The following SCMH1 variants were observed in gnomAD, a reference collection of about 807,000 sequenced individuals.
SCMH1 encodes the protein polycomb protein SCMH1.
A neutral mutation model predicts 70.8 loss-of-function variants in SCMH1; 37 were observed. That is an observed-to-expected ratio of 0.52 (90% CI 0.40 to 0.69). The LOEUF is 0.69. SCMH1 is among the 30% of genes least tolerant of loss of function. The pLI is 0.00. For synonymous variants in SCMH1, 292 were observed against 307.4 expected, an observed-to-expected ratio of 0.95 and a Z score of 0.52; for missense variants, 607 against 827.3, an observed-to-expected ratio of 0.73 and a Z score of 3.27.
At chr1:41,054,878 G>A (rs942915405) in intron 10 of SCMH1, among the ~76,000 whole-genome samples, 1 of 152,126 alleles carries the variant, frequency 6.6e-6, no homozygotes, top group Non-Finnish European at 1.5e-5. Flanking sequence ...CGGCCTCCAG[G>A]GCTCAACCAG....
At chr1:41,187,287 C>A (rs1465688905) in intron 1 of SCMH1, among the ~76,000 whole-genome samples, 2 of 151,636 alleles carry the variant, frequency 1.3e-5, no homozygotes, top group Non-Finnish European at 2.9e-5. Context: ...CATGGCGAAA[C>A]CCCATCTCTA....
intron 1 of SCMH1, among the ~76,000 whole-genome samples, chr1:41,199,373 A>C (rs1459731639): frequency 6.6e-6 from 1 of 152,130 alleles, no homozygotes; most frequent in African/African-American, 2.4e-5. Context: ...CCTGTTTTGA[A>C]TGTTATATAA....
rs374932296 is a variant in SCMH1 at position 41,152,669 on chromosome 1, C to T, written c.107-985G>A. The T allele has an allele frequency of 2.9e-5, 47 of 1,614,152 alleles. No homozygotes were observed. The African/African-American group carries it at 5.9e-4, about 20-fold the overall frequency. On this transcript the variant is annotated intron_variant, in intron 4 of 14. Coordinates refer to ENST00000337495, the Ensembl canonical transcript of SCMH1. ...CACAAGCTAAAACACTGTAGCAAAC[C>T]AGCATTTCTTGAAGTTTCCTCTGTA...
At chr1:41,144,957 T>C (rs940933173) in intron 5 of SCMH1, among the ~76,000 whole-genome samples, 16 of 152,194 alleles carry the variant, frequency 1.1e-4, no homozygotes, top group African/African-American at 3.9e-4. Flanking sequence ...ATTTCCGAGT[T>C]TTAAGAGTTC....
intron 2 of SCMH1, among the ~76,000 whole-genome samples, chr1:41,183,476 A>C (rs994027633): frequency 2.6e-5 from 4 of 152,176 alleles, no homozygotes; most frequent in African/African-American, 9.7e-5. Context: ...TCTATTTGGG[A>C]AATTCCTATT....
intron 1 of SCMH1, among the ~76,000 whole-genome samples, chr1:41,223,138 A>G (rs1053327098): frequency 2.0e-5 from 3 of 152,216 alleles, no homozygotes; most frequent in African/African-American, 7.2e-5. Context: ...AGATTACTGC[A>G]TATTCTATCA....
At chr1:41,178,260 A>G (rs1292627368) in intron 2 of SCMH1, among the ~76,000 whole-genome samples, 1 of 152,208 alleles carries the variant, frequency 6.6e-6, no homozygotes, top group Non-Finnish European at 1.5e-5. Context: ...GAAAGGAACA[A>G]CTGGTACCAG....
intron 13 of SCMH1, among the ~76,000 whole-genome samples, chr1:41,034,984 A>C (rs1165357329): frequency 6.6e-6 from 1 of 152,082 alleles, no homozygotes; most frequent in East Asian, 1.9e-4. Context: ...TCTCACCTCC[A>C]TTCTACTCCA....
intron 9 of SCMH1, among the ~76,000 whole-genome samples, chr1:41,072,661 A>G (rs1462125608): frequency 6.6e-6 from 1 of 152,210 alleles, no homozygotes; most frequent in East Asian, 1.9e-4. Context: ...CAGGAGTTTG[A>G]GACCAGCCTG....
chr1:41,116,912 G>A lies in SCMH1; in HGVS notation c.501+10C>T, dbSNP rs1156309977. ...AGCCTGGAGCTGGTGATATCTGAGG[G>A]ATAGCCTACCTTGTGGAAAATCCTG... is the stretch of plus-strand genomic sequence containing the variant. On this transcript the variant is annotated intron_variant, in intron 7 of 14. Transcript: ENST00000337495. 2 of 1,591,386 alleles carry A rather than the reference G, an allele frequency of 1.3e-6. No individual in the cohort carries two copies. Among genetic ancestry groups the A allele is most frequent in the Non-Finnish European group, 8.6e-7 (1 of 1,167,612 alleles).
At chr1:41,062,259 C>A (rs1365370199) in intron 10 of SCMH1, among the ~76,000 whole-genome samples, 6 of 152,108 alleles carry the variant, frequency 3.9e-5, no homozygotes, top group Non-Finnish European at 5.9e-5. Flanking sequence ...CAACAATGCA[C>A]TTCTAAATAA....
At chr1:41,081,094 G>A (rs1284526223) in intron 8 of SCMH1, among the ~76,000 whole-genome samples, 1 of 152,048 alleles carries the variant, frequency 6.6e-6, no homozygotes, top group Non-Finnish European at 1.5e-5. Flanking sequence ...AAAATCTAAT[G>A]TATTTCTCTA....
At chr1:41,241,909 TGGCA>T (rs1174173734) in intron 1 of SCMH1, 146 bp downstream of exon 1, 1 of 151,686 alleles carries the variant, frequency 6.6e-6, no homozygotes, top group African/African-American at 2.4e-5. Context: ...GACCACAGAC[TGGCA>T]GGCCGGCCAG....
chr1:41,197,590 T>TA (rs1041225169), intron 1 of SCMH1, among the ~76,000 whole-genome samples: 2 of 151,938 alleles, frequency 1.3e-5, no homozygotes, highest in Non-Finnish European at 2.9e-5. Context: ...TTGGGATGAT[T>TA]AAAAAAAATT....
chr1:41,065,199 T>C (rs6686842), intron 10 of SCMH1, among the ~76,000 whole-genome samples: 97,746 of 152,020 alleles, frequency 0.64, 32,780 homozygotes, highest in African/African-American at 0.84. Context: ...ACAAATTGAA[T>C]CAGCTGGGGG....
chr1:41,135,182 A>G (rs1057325436), intron 6 of SCMH1, among the ~76,000 whole-genome samples: 2 of 152,118 alleles, frequency 1.3e-5, no homozygotes, highest in African/African-American at 4.8e-5. Context: ...TAGGCAACAC[A>G]GTTCTATGTG....
chr1:41,057,481 C>A lies in SCMH1; in HGVS notation c.1106-8591G>T, dbSNP rs939790715. On this transcript the variant is annotated intron_variant, in intron 10 of 14. Coordinates refer to ENST00000337495, the Ensembl canonical transcript of SCMH1. ...GCCAGGCTGGCCTCAAACTCCTGAC[C>A]TCAAGTGATCTGCCCACCTTGACCT... Among the ~76,000 whole-genome samples the A allele has an allele frequency of 3.1e-4, 47 of 152,082 alleles. 1 individual carries two copies. The highest frequency in any genetic ancestry group is 1.0e-4 in the Non-Finnish European group (7 of 68,018).
At chr1:41,242,287 C>G (rs966116202), upstream of SCMH1, 4 of 140,016 alleles carry the variant, frequency 2.9e-5, no homozygotes, top group Admixed American at 6.9e-5. The surrounding 1 kb of genome is among the most constrained non-coding windows in gnomAD (Gnocchi z 5.2). Flanking sequence ...TGGCGCGCGC[C>G]TCGGCCGTTG....
At chr1:41,102,467 T>A (rs1022352225) in intron 8 of SCMH1, among the ~76,000 whole-genome samples, 2 of 152,210 alleles carry the variant, frequency 1.3e-5, no homozygotes, top group African/African-American at 4.8e-5. Context: ...CCTGCTCTGA[T>A]CCAGCTCAGT....
Sources: gnomAD v4.1 joint callset for allele counts (sites outside exome capture counted in the v4.1 genomes callset) on GRCh38, gnomAD v4.1.1 for gene constraint, Gnocchi (gnomAD v3.1) non-coding constraint, MANE v1.5 for transcripts, NCBI Gene and HGNC (gene_info 2026-07-23, HGNC 2026-07-21) for gene names.